Variants in ENOX1 observed in about 807,000 individuals in gnomAD.
ENOX1 encodes the protein ecto-NOX disulfide-thiol exchanger 1.
A neutral mutation model predicts 82.5 loss-of-function variants in ENOX1; 42 were observed. The observed-to-expected ratio is 0.51, with a 90% CI of 0.40 to 0.66. The LOEUF (loss-of-function observed/expected upper bound fraction) is 0.66. Among genes scored for constraint, ENOX1 ranks in the 30% least tolerant of loss-of-function variants. The pLI is 0.00. For synonymous variants in ENOX1, 271 were observed against 282.2 expected, an observed-to-expected ratio of 0.96 and a Z score of 0.40; for missense variants, 608 against 811.6, an observed-to-expected ratio of 0.75 and a Z score of 3.05.
intron 3 of ENOX1, among the ~76,000 whole-genome samples, chr13:43,474,679 A>G (rs993510127): frequency 6.6e-6 from 1 of 152,176 alleles, no homozygotes; most frequent in African/African-American, 2.4e-5. Flanking sequence ...ATTCTATTTC[A>G]AAGTTTGATG....
At chr13:43,405,237 T>A (rs757975034) in intron 5 of ENOX1, among the ~76,000 whole-genome samples, 4 of 152,158 alleles carry the variant, frequency 2.6e-5, no homozygotes, top group Non-Finnish European at 4.4e-5. Context: ...ATAGTAGGAA[T>A]GTAGTGGGAC....
intron 5 of ENOX1, among the ~76,000 whole-genome samples, chr13:43,410,703 A>C (rs1471410817): frequency 1.3e-5 from 2 of 152,184 alleles, no homozygotes; most frequent in African/African-American, 4.8e-5. Context: ...TATTGACCAA[A>C]AAGAAACACA....
At chr13:43,325,627 T>C (rs1374664490) in intron 10 of ENOX1, among the ~76,000 whole-genome samples, 1 of 152,274 alleles carries the variant, frequency 6.6e-6, no homozygotes, top group African/African-American at 2.4e-5. Context: ...GAGGGGAATG[T>C]CATTTAGAGA....
At chr13:43,443,404 G>A (rs1386962635) in intron 3 of ENOX1, among the ~76,000 whole-genome samples, 1 of 152,042 alleles carries the variant, frequency 6.6e-6, no homozygotes, top group Non-Finnish European at 1.5e-5. Flanking sequence ...TTTAAATTAC[G>A]CTTTTACTTG....
At chr13:43,538,028 C>T (rs538375433) in intron 2 of ENOX1, among the ~76,000 whole-genome samples, 1 of 152,350 alleles carries the variant, frequency 6.6e-6, no homozygotes, top group East Asian at 1.9e-4. Context: ...GACCCAGCCT[C>T]TCCAGATCTA....
intron 3 of ENOX1, among the ~76,000 whole-genome samples, chr13:43,478,075 T>G (rs563282805): frequency 0.029 from 4,357 of 149,616 alleles, 126 homozygotes; most frequent in South Asian, 0.052. Context: ...TTTTTTTTTT[T>G]TTTTTCATTT....
At chr13:43,588,396 A>G (rs1041069005) in intron 2 of ENOX1, among the ~76,000 whole-genome samples, 4 of 152,254 alleles carry the variant, frequency 2.6e-5, no homozygotes, top group Non-Finnish European at 4.4e-5. Flanking sequence ...AATGACAATC[A>G]GTAATCGTCA....
At position 43,508,636 on chromosome 13, in the gene ENOX1, G is replaced by T. The variant is rs532970659; in HGVS notation, c.-218-24484C>A. ...AGGTTTTACTCTCTAAAATAGGAGG[G>T]TATTTTAGCAATGGGGAGCTGCTAG... On this transcript the variant is annotated intron_variant, in intron 2 of 16. Coordinates refer to ENST00000690772, the MANE Select transcript of ENOX1 (RefSeq NM_001347969.2). Among the ~76,000 whole-genome samples the T allele has an allele frequency of 2.6e-5, 4 of 152,058 alleles. No individual in the cohort carries two copies. In the East Asian group the frequency reaches 7.7e-4, roughly 29 times the overall value.
rs1566641541 is a variant in ENOX1, at chr13:43,616,157, G to GAT, written c.-219+51320_-219+51321dup. Among the ~76,000 whole-genome samples, 9 of 16,026 alleles carry GAT rather than the reference G, an allele frequency of 5.6e-4. 2 individuals carry two copies. The highest frequency in any genetic ancestry group is 1.9e-3 in the African/African-American group (9 of 4,752). The allele number at this position is 16,026 out of a possible 152,430, so 10.5% of individuals were successfully genotyped here. A position where few individuals can be genotyped will look rare whatever the true frequency, so the allele number is the denominator to read the frequency against. On this transcript the variant is annotated intron_variant, in intron 2 of 16. Coordinates refer to ENST00000690772, the MANE Select transcript of ENOX1 (RefSeq NM_001347969.2). ...ATCTATCTAGATATCTATATAGATA[G>GAT]ATATCTATCTATCTATCTATCTATC... is the stretch of plus-strand genomic sequence containing the variant.
chr13:43,696,746 T>C (rs1021513899), intron 1 of ENOX1, among the ~76,000 whole-genome samples: 4 of 151,662 alleles, frequency 2.6e-5, no homozygotes, highest in African/African-American at 9.7e-5. Context: ...ACCAGGACAA[T>C]TCAAGACGTA....
intron 12 of ENOX1, among the ~76,000 whole-genome samples, chr13:43,276,674 G>C (rs1176227078): frequency 6.6e-6 from 1 of 152,218 alleles, no homozygotes; most frequent in African/African-American, 2.4e-5. Context: ...GAGAAAGTTT[G>C]AGATTTAAAA....
At chr13:43,540,832 CT>C (rs2078674737) in intron 2 of ENOX1, among the ~76,000 whole-genome samples, 1 of 152,058 alleles carries the variant, frequency 6.6e-6, no homozygotes, top group Non-Finnish European at 1.5e-5. Flanking sequence ...AGGACCCCCC[CT>C]CAAAAAAGGT....
At chr13:43,377,489 T>G (rs2051721965) in intron 5 of ENOX1, among the ~76,000 whole-genome samples, 1 of 152,234 alleles carries the variant, frequency 6.6e-6, no homozygotes, top group East Asian at 1.9e-4. Flanking sequence ...CATTTGTGAT[T>G]GTTTTGGATC....
chr13:43,333,769 C>T lies in ENOX1; in HGVS notation c.1037-7244G>A, dbSNP rs142145803. 2.0e-3 allele frequency among the ~76,000 whole-genome samples: 311 copies of T among 152,298 alleles called. 4 individuals carry two copies. The East Asian group carries it at 0.025, about 12-fold the overall frequency. ...TTCCGAGTAGCTGGTATTACAGGTG[C>T]GCACCACCACACCCGGCTAATTTTT... On this transcript the variant is annotated intron_variant, in intron 9 of 16. Coordinates refer to ENST00000690772, the MANE Select transcript of ENOX1 (RefSeq NM_001347969.2).
At chr13:43,408,214 A>G (rs1240700451) in intron 5 of ENOX1, among the ~76,000 whole-genome samples, 1 of 152,218 alleles carries the variant, frequency 6.6e-6, no homozygotes, top group Admixed American at 6.5e-5. Context: ...TACCACAGTA[A>G]TGAGGGATTT....
At chr13:43,667,688 A>G (rs1268888619) in intron 1 of ENOX1, 144 bp from the exon 2 acceptor site, 1 of 157,256 alleles carries the variant, frequency 6.4e-6, no homozygotes, top group Non-Finnish European at 1.4e-5. Flanking sequence ...GGCCACTGCA[A>G]TTGAATGCCC....
At chr13:43,590,626 A>AG (rs398117273) in intron 2 of ENOX1, among the ~76,000 whole-genome samples, 2 of 150,804 alleles carry the variant, frequency 1.3e-5, no homozygotes, top group African/African-American at 4.9e-5. Context: ...AACAAAAAAA[A>AG]TTAGCTGGGC....
chr13:43,226,662 A>G (rs1285442763), intron 15 of ENOX1, among the ~76,000 whole-genome samples: 6 of 152,142 alleles, frequency 3.9e-5, no homozygotes, highest in Admixed American at 6.5e-5. Flanking sequence ...AGAGCCTCCC[A>G]CAAGTGATGG....
At chr13:43,505,800 GGT>G (rs1461409897) in intron 2 of ENOX1, among the ~76,000 whole-genome samples, 1 of 152,024 alleles carries the variant, frequency 6.6e-6, no homozygotes, top group Non-Finnish European at 1.5e-5. Context: ...CGTTGCTTTT[GGT>G]GTTTTAGACA....
Sources: allele counts gnomAD v4.1 joint callset (sites outside exome capture counted in the v4.1 genomes callset), GRCh38; gene constraint gnomAD v4.1.1; transcripts MANE v1.5; gene names NCBI Gene and HGNC (gene_info 2026-07-23, HGNC 2026-07-21).